SLC4A10: variants seen among roughly 807,000 people sequenced by gnomAD.
The protein encoded by SLC4A10 is sodium-driven chloride bicarbonate exchanger.
In SLC4A10, 42 loss-of-function variants were observed where a neutral mutation model predicts 137.7. The ratio of observed to expected loss-of-function variants is 0.30; its 90% CI spans 0.24 to 0.39. The LOEUF is 0.39. Ranked by LOEUF, SLC4A10 falls within the 10% of genes least tolerant of loss-of-function variation. The pLI is 1.00. For synonymous variants in SLC4A10, 474 were observed against 464.1 expected (o/e 1.02, Z -0.27); for missense variants, 925 against 1,355.0 (o/e 0.68, Z 4.98).
At chr2:161,940,522 C>T (rs1027797012) in intron 15 of SLC4A10, among the ~76,000 whole-genome samples, 7 of 152,166 alleles carry the variant, frequency 4.6e-5, no homozygotes, top group Non-Finnish European at 8.8e-5. Flanking sequence ...TACAGAGAAA[C>T]ACAATGCTGT....
intron 1 of SLC4A10, among the ~76,000 whole-genome samples, chr2:161,713,303 GC>G (rs1186880769): frequency 6.6e-6 from 1 of 151,736 alleles, no homozygotes; most frequent in Non-Finnish European, 1.5e-5. Flanking sequence ...AAACAAAAGA[GC>G]AGTACCTATA....
At chr2:161,823,000 C>CT (rs200946522) in intron 3 of SLC4A10, among the ~76,000 whole-genome samples, 8 of 151,144 alleles carry the variant, frequency 5.3e-5, no homozygotes, top group South Asian at 2.1e-4. Flanking sequence ...TATATATATA[C>CT]TTTTTTTTTA....
At chr2:161,791,699 C>T (rs1300512493) in intron 2 of SLC4A10, among the ~76,000 whole-genome samples, 1 of 152,180 alleles carries the variant, frequency 6.6e-6, no homozygotes, top group African/African-American at 2.4e-5. Context: ...CATGTTTCAT[C>T]ACTTTATTTT....
chr2:161,916,633 C>G (rs1687171203), intron 15 of SLC4A10, among the ~76,000 whole-genome samples: 1 of 152,210 alleles, frequency 6.6e-6, no homozygotes, highest in Non-Finnish European at 1.5e-5. Flanking sequence ...TCTCTTCTCT[C>G]TCCTCCTGCT....
chr2:161,791,113 T>C (rs2125533982), intron 2 of SLC4A10, among the ~76,000 whole-genome samples: 1 of 152,306 alleles, frequency 6.6e-6, no homozygotes, highest in Admixed American at 6.5e-5. Context: ...ATGCCATTAA[T>C]GTGTATATAC....
intron 15 of SLC4A10, among the ~76,000 whole-genome samples, chr2:161,923,890 TA>T (rs977182714): frequency 1.3e-5 from 2 of 152,048 alleles, no homozygotes; most frequent in African/African-American, 4.8e-5. Flanking sequence ...ACTTTATACA[TA>T]AGGAAACTGA....
At chr2:161,872,545 A>G (rs558975617) in intron 7 of SLC4A10, among the ~76,000 whole-genome samples, 161 bp downstream of exon 7, 1 of 95,136 alleles carries the variant, frequency 1.1e-5, no homozygotes, top group Admixed American at 1.4e-4. Context: ...CACATGTAAC[A>G]TTTTGCCTAT....
intron 1 of SLC4A10, among the ~76,000 whole-genome samples, chr2:161,650,308 GCGT>G (rs1216387949): frequency 6.6e-6 from 1 of 152,238 alleles, no homozygotes; most frequent in East Asian, 1.9e-4. Flanking sequence ...CAAAGGTGAG[GCGT>G]CTTTTTTCAT....
intron 1 of SLC4A10, among the ~76,000 whole-genome samples, chr2:161,767,223 TATATATATACAC>T (rs1574858975): frequency 8.0e-6 from 1 of 125,478 alleles, no homozygotes; most frequent in East Asian, 2.2e-4. Flanking sequence ...TACACATATA[TATATATATACAC>T]ATATATATAT....
At chr2:161,783,467 C>T (rs751178437) in intron 2 of SLC4A10, among the ~76,000 whole-genome samples, 45 of 151,822 alleles carry the variant, frequency 3.0e-4, no homozygotes, top group Non-Finnish European at 5.3e-4. Flanking sequence ...AATGCAGGAC[C>T]GTAATACTGC....
intron 24 of SLC4A10, 39 bp from the exon 25 acceptor site, chr2:161,976,721 G>A (rs772867305): frequency 3.5e-5 from 37 of 1,053,900 alleles, no homozygotes; most frequent in South Asian, 9.5e-5. Context: ...AGTTACTTAT[G>A]TAATGTTTAT....
At chr2:161,631,343 C>T (rs1430440092) in intron 1 of SLC4A10, among the ~76,000 whole-genome samples, 1 of 151,712 alleles carries the variant, frequency 6.6e-6, no homozygotes, top group African/African-American at 2.4e-5. Flanking sequence ...TACTGTTTAG[C>T]ATTATCATGA....
chr2:161,723,478 C>T (rs2045909420), intron 1 of SLC4A10, among the ~76,000 whole-genome samples: 1 of 152,172 alleles, frequency 6.6e-6, no homozygotes, highest in Non-Finnish European at 1.5e-5. Context: ...ATTGTACTTC[C>T]TTCTGGTTTC....
chr2:161,790,103 G>A (rs916966688), intron 2 of SLC4A10, among the ~76,000 whole-genome samples: 1 of 152,104 alleles, frequency 6.6e-6, no homozygotes, highest in Non-Finnish European at 1.5e-5. Flanking sequence ...CATATTTATT[G>A]ACTTTTTCAT....
chr2:161,800,414 A>C (rs946957697), intron 2 of SLC4A10, among the ~76,000 whole-genome samples: 1 of 151,918 alleles, frequency 6.6e-6, no homozygotes, highest in African/African-American at 2.4e-5. Flanking sequence ...AGCACCAAAA[A>C]CTGTCAAGCA....
rs1044886883 is a variant in SLC4A10 at position 161,640,823 on chromosome 2, C to A, written c.48+16257C>A. On this transcript the variant is annotated intron_variant, in intron 1 of 26. Transcript: ENST00000446997. ...TGGAACTGCAGGCACACACCACCCT[C>A]CCTGGCCTGCATTTTCTTTAAAAAT... is the stretch of plus-strand genomic sequence containing the variant. Among the ~76,000 whole-genome samples the A allele has an allele frequency of 5.3e-5, 8 of 151,942 alleles. No homozygotes were observed. The South Asian group carries it at 6.2e-4, about 12-fold the overall frequency.
chr2:161,699,599 G>T (rs1359816953), intron 1 of SLC4A10, among the ~76,000 whole-genome samples: 2 of 152,180 alleles, frequency 1.3e-5, no homozygotes, highest in African/African-American at 4.8e-5. Flanking sequence ...TTGTCTTGAG[G>T]ATCTTAATAA....
At chr2:161,721,815 G>T (rs12479001) in intron 1 of SLC4A10, among the ~76,000 whole-genome samples, 11,470 of 152,078 alleles carry the variant, frequency 0.075, 544 homozygotes, top group East Asian at 0.14. Flanking sequence ...ATCTCTTTCA[G>T]GTACCCCAAT....
intron 25 of SLC4A10, among the ~76,000 whole-genome samples, chr2:161,977,092 A>G (rs528655003): frequency 1.3e-5 from 2 of 152,112 alleles, no homozygotes; most frequent in South Asian, 2.1e-4. Flanking sequence ...ATGAGTCACA[A>G]TGCATGACAT....
Sources: allele counts gnomAD v4.1 joint callset (sites outside exome capture counted in the v4.1 genomes callset), GRCh38; gene constraint gnomAD v4.1.1; transcripts MANE v1.5; gene names NCBI Gene and HGNC (gene_info 2026-07-23, HGNC 2026-07-21).